Variants in FTO observed in about 807,000 individuals in gnomAD.
The protein encoded by FTO is FTO alpha-ketoglutarate dependent dioxygenase.
FTO carries 47 observed loss-of-function variants against 63.9 expected under a neutral mutation model. The ratio of observed to expected loss-of-function variants is 0.74; its 90% CI spans 0.58 to 0.94. FTO has a LOEUF of 0.94. Ranked by LOEUF, FTO falls within the 40% of genes least tolerant of loss-of-function variation. FTO has a pLI of 0.00. For missense variants in FTO, 562 were observed against 618.1 expected, an observed-to-expected ratio of 0.91 and a Z score of 0.96; for synonymous variants, 207 against 224.4, an observed-to-expected ratio of 0.92 and a Z score of 0.69.
intron 1 of FTO, among the ~76,000 whole-genome samples, chr16:53,732,029 C>T (rs1412598130): frequency 6.9e-6 from 1 of 144,324 alleles, no homozygotes; most frequent in Non-Finnish European, 1.5e-5. Context: ...CCCCAGCCCT[C>T]ATTGTGGCCT....
chr16:54,094,490 C>T (rs1421113898), intron 8 of FTO, among the ~76,000 whole-genome samples: 1 of 152,240 alleles, frequency 6.6e-6, no homozygotes, highest in Non-Finnish European at 1.5e-5. Context: ...CCTGTTCAGT[C>T]TTCCGTGGCT....
At chr16:54,085,805 G>A (rs1477686267) in intron 8 of FTO, among the ~76,000 whole-genome samples, 1 of 152,156 alleles carries the variant, frequency 6.6e-6, no homozygotes, top group Admixed American at 6.5e-5. Flanking sequence ...GTAGTTGTTG[G>A]TTATTCACCG....
intron 8 of FTO, among the ~76,000 whole-genome samples, chr16:53,963,481 T>C (rs1200416196): frequency 3.9e-5 from 6 of 152,178 alleles, no homozygotes; most frequent in African/African-American, 1.4e-4. Flanking sequence ...AGGAGGAGCC[T>C]GGTGGGAGGT....
At position 53,826,602 on chromosome 16, in the gene FTO, C is replaced by T. The variant is rs561341773; in HGVS notation, c.751+111C>T. The T allele has an allele frequency of 1.1e-3, 1,096 of 1,025,948 alleles. 5 individuals carry two copies. Among genetic ancestry groups the T allele is most frequent in the Non-Finnish European group, 1.2e-3 (781 of 663,602 alleles). The allele number at this position is 1,025,948 out of a possible 1,614,324, so 63.6% of individuals were successfully genotyped here. On this transcript the variant is annotated intron_variant, in intron 3 of 8. Transcript: ENST00000471389. ...ATGAACATGTTTGCATGTGTGCTTG[C>T]GTGTGTACATGCACATGCGTGTGTG...
chr16:53,784,548 G>T (rs3751812), intron 1 of FTO, among the ~76,000 whole-genome samples: 45,312 of 152,008 alleles, frequency 0.3, 8,219 homozygotes, highest in Non-Finnish European at 0.41. Flanking sequence ...AGCTGTCAAG[G>T]TGTTGGCAGG....
At chr16:53,721,023 C>G (rs1252567020) in intron 1 of FTO, among the ~76,000 whole-genome samples, 1 of 152,122 alleles carries the variant, frequency 6.6e-6, no homozygotes, top group Non-Finnish European at 1.5e-5. Flanking sequence ...CCCTTGGGCT[C>G]AAGCTATCTG....
intron 8 of FTO, among the ~76,000 whole-genome samples, chr16:54,041,942 G>A (rs1358853831): frequency 7.2e-5 from 11 of 152,190 alleles, no homozygotes; most frequent in Non-Finnish European, 1.2e-4. Context: ...CCTGCGGATG[G>A]CTGTTCCTAT....
intron 8 of FTO, among the ~76,000 whole-genome samples, chr16:54,048,125 T>TAAAAAA (rs2085220979): frequency 8.6e-5 from 3 of 34,726 alleles, no homozygotes; most frequent in South Asian, 8.7e-4. Context: ...AAAAAAAAAA[T>TAAAAAA]TAAAAAAAAA....
chr16:54,062,292 C>T (rs1184846386), intron 8 of FTO, among the ~76,000 whole-genome samples: 3 of 152,104 alleles, frequency 2.0e-5, no homozygotes, highest in Admixed American at 6.5e-5. Flanking sequence ...CTTGGCTTGC[C>T]GTGATAGTTC....
At chr16:53,777,839 A>G (rs983286972) in intron 1 of FTO, among the ~76,000 whole-genome samples, 7 of 152,104 alleles carry the variant, frequency 4.6e-5, no homozygotes, top group Admixed American at 3.3e-4. Context: ...ATTGTTGAGA[A>G]AAAGTCTGCC....
intron 4 of FTO, among the ~76,000 whole-genome samples, chr16:53,847,270 C>T (rs1414871875): frequency 6.6e-6 from 1 of 152,174 alleles, no homozygotes; most frequent in Non-Finnish European, 1.5e-5. Flanking sequence ...CCTCCTTCTC[C>T]CGTAGGGATG....
chr16:54,033,318 T>G (rs1041425567), intron 8 of FTO, among the ~76,000 whole-genome samples: 2 of 152,274 alleles, frequency 1.3e-5, no homozygotes, highest in Non-Finnish European at 2.9e-5. Flanking sequence ...GGCCACTTAG[T>G]GTCCAACAGA....
intron 1 of FTO, among the ~76,000 whole-genome samples, chr16:53,740,068 G>T (rs1002647919): frequency 6.6e-6 from 1 of 152,152 alleles, no homozygotes; most frequent in South Asian, 2.1e-4. Context: ...AAATTAGAAG[G>T]CTGTGTCTTC....
At chr16:53,964,766 G>T (rs2083159636) in intron 8 of FTO, among the ~76,000 whole-genome samples, 1 of 152,064 alleles carries the variant, frequency 6.6e-6, no homozygotes, top group Non-Finnish European at 1.5e-5. Context: ...CATTGAATTG[G>T]TTATTACTCA....
intron 1 of FTO, among the ~76,000 whole-genome samples, chr16:53,770,358 T>A (rs939901625): frequency 6.6e-6 from 1 of 152,204 alleles, no homozygotes; most frequent in Non-Finnish European, 1.5e-5. Context: ...GCTGAGAAAT[T>A]ATAATTAGTC....
At chr16:53,912,068 C>T (rs1367103594) in intron 7 of FTO, among the ~76,000 whole-genome samples, 1 of 152,180 alleles carries the variant, frequency 6.6e-6, no homozygotes, top group African/African-American at 2.4e-5. Flanking sequence ...AGAAACTGTC[C>T]CCCAAAGGGA....
At chr16:53,834,198 G>A (rs1001713479) in intron 3 of FTO, among the ~76,000 whole-genome samples, 17 of 151,988 alleles carry the variant, frequency 1.1e-4, no homozygotes, top group African/African-American at 3.6e-4. Context: ...CAAATTTTTT[G>A]TATTTTTAGT....
At chr16:53,822,502 C>A (rs947969432) in intron 2 of FTO, among the ~76,000 whole-genome samples, 1 of 152,098 alleles carries the variant, frequency 6.6e-6, no homozygotes, top group Admixed American at 6.6e-5. Flanking sequence ...TAAATACTCT[C>A]ACTGTGGACA....
At chr16:53,791,445 T>C (rs574952053) in intron 1 of FTO, among the ~76,000 whole-genome samples, 6 of 152,322 alleles carry the variant, frequency 3.9e-5, no homozygotes, top group African/African-American at 1.2e-4. Flanking sequence ...AAGAGATACC[T>C]ATACACCTGC....
Sources: gnomAD v4.1 joint callset for allele counts (sites outside exome capture counted in the v4.1 genomes callset) on GRCh38, gnomAD v4.1.1 for gene constraint, MANE v1.5 for transcripts, NCBI Gene and HGNC (gene_info 2026-07-23, HGNC 2026-07-21) for gene names.